The following PARD3B variants were observed in gnomAD, a reference collection of about 807,000 sequenced individuals.
The protein encoded by PARD3B is par-3 family cell polarity regulator beta.
A neutral mutation model predicts 130.2 loss-of-function variants in PARD3B; 103 were observed. The ratio of observed to expected loss-of-function variants is 0.79; its 90% confidence interval spans 0.67 to 0.93. The LOEUF (loss-of-function observed/expected upper bound fraction) is 0.93, where lower values mean the gene tolerates loss of function less well. Among genes scored for constraint, PARD3B ranks in the 40% least tolerant of loss-of-function variants. The probability of loss-of-function intolerance (pLI) is 0.00; values close to 1 mark genes in which losing one functional copy is unlikely to be tolerated. For synonymous variants in PARD3B, 583 were observed against 553.2 expected (o/e 1.05, Z -0.76); for missense variants, 1,609 against 1,499.2 (o/e 1.07, Z -1.21).
At chr2:204,833,671 G>C (rs764194586) in intron 2 of PARD3B, among the ~76,000 whole-genome samples, 2 of 151,958 alleles carry the variant, frequency 1.3e-5, no homozygotes, top group African/African-American at 4.8e-5. Flanking sequence ...GTTCTGTCTC[G>C]TCTGCCAGCA....
intron 19 of PARD3B, among the ~76,000 whole-genome samples, chr2:205,402,707 C>T (rs2046293501): frequency 6.6e-6 from 1 of 152,180 alleles, no homozygotes; most frequent in African/African-American, 2.4e-5. Context: ...CTTCAGCTGG[C>T]TGTATAGGCT....
intron 2 of PARD3B, among the ~76,000 whole-genome samples, chr2:204,695,243 G>A (rs958576705): frequency 6.6e-6 from 1 of 151,812 alleles, no homozygotes; most frequent in Admixed American, 6.6e-5. Context: ...TGGCCTAGGG[G>A]TATGGGACCA....
At chr2:204,937,108 T>C (rs1045411697) in intron 2 of PARD3B, among the ~76,000 whole-genome samples, 2 of 152,242 alleles carry the variant, frequency 1.3e-5, no homozygotes, top group African/African-American at 4.8e-5. Flanking sequence ...TCCCAATTAT[T>C]CTTAATTGTC....
chr2:204,876,607 C>T (rs2045853534), intron 2 of PARD3B, among the ~76,000 whole-genome samples: 1 of 152,140 alleles, frequency 6.6e-6, no homozygotes. Context: ...CATGTTGGAA[C>T]TCTGCCTCTA....
At chr2:205,223,717 A>T (rs1367658938) in intron 15 of PARD3B, among the ~76,000 whole-genome samples, 4 of 151,982 alleles carry the variant, frequency 2.6e-5, no homozygotes, top group African/African-American at 7.3e-5. Flanking sequence ...AAGTGATGAG[A>T]CCTCCAAAGG....
chr2:205,519,922 ACT>A (rs1575231241), intron 21 of PARD3B, among the ~76,000 whole-genome samples: 1 of 151,392 alleles, frequency 6.6e-6, no homozygotes, highest in African/African-American at 2.4e-5. Flanking sequence ...CAGTTGGTAG[ACT>A]CTTGCTTGGT....
At position 205,550,951 on chromosome 2, in the gene PARD3B, A is replaced by ATATGTGTG. The variant is rs1553542788; in HGVS notation, c.3181-2372_3181-2371insATGTGTGT. The stretch of plus-strand genomic sequence containing the variant: ...TGTGTGTGTGTGTGTGTATATATAT[A>ATATGTGTG]TGTGTATATATATATATATATATAT... On this transcript the variant is annotated intron_variant, in intron 21 of 22. Coordinates refer to ENST00000406610, the MANE Select transcript of PARD3B (RefSeq NM_001302769.2). This position sits in a 1 kb window ranked among gnomAD's most constrained non-coding sequence, Gnocchi z 4.5. Among the ~76,000 whole-genome samples the ATATGTGTG allele has an allele frequency of 6.4e-5, 5 of 77,578 alleles. No homozygotes were observed. Among genetic ancestry groups the ATATGTGTG allele is most frequent in the African/African-American group, 2.2e-4 (5 of 22,478 alleles). 50.9% of individuals were successfully genotyped at this position (77,578 alleles called of 152,430 possible). A position where few individuals can be genotyped will look rare whatever the true frequency, so the allele number is the denominator to read the frequency against.
chr2:205,247,955 ATC>A lies in PARD3B; in HGVS notation c.2185+2141_2185+2142del, dbSNP rs1415783672. ...TTTTTGTTTTTGTTTTTGAGACAGAATCTCTCTCTGTCACCCAGGCTGGAGTG... is the reference window on the plus strand; with the variant it reads ...TTTTTGTTTTTGTTTTTGAGACAGAATCTCTCTGTCACCCAGGCTGGAGTG... On this transcript the variant is annotated intron_variant, in intron 16 of 22. Transcript: ENST00000406610. Among the ~76,000 whole-genome samples, 2 of 151,982 alleles carry A rather than the reference ATC, an allele frequency of 1.3e-5. 1 individual carries two copies. The highest frequency in any genetic ancestry group is 4.8e-5 in the African/African-American group (2 of 41,458).
At chr2:204,614,313 A>AT (rs564105406) in intron 1 of PARD3B, among the ~76,000 whole-genome samples, 1 of 151,350 alleles carries the variant, frequency 6.6e-6, no homozygotes, top group African/African-American at 2.4e-5. Context: ...GCAATATTAC[A>AT]TTTTTTTATA....
At chr2:204,595,854 G>C (rs551685493) in intron 1 of PARD3B, among the ~76,000 whole-genome samples, 1 of 152,364 alleles carries the variant, frequency 6.6e-6, no homozygotes, top group Admixed American at 6.5e-5. Flanking sequence ...ATGAGAGCAT[G>C]CTATGCTATT....
intron 3 of PARD3B, among the ~76,000 whole-genome samples, chr2:204,982,874 T>G (rs547273964): frequency 1.8e-4 from 28 of 152,344 alleles, no homozygotes; most frequent in Non-Finnish European, 3.5e-4. Context: ...CTGTAGAGCT[T>G]GTCTTTTTTG....
intron 20 of PARD3B, among the ~76,000 whole-genome samples, chr2:205,451,187 A>C (rs939396586): frequency 6.6e-6 from 1 of 152,196 alleles, no homozygotes; most frequent in Non-Finnish European, 1.5e-5. Flanking sequence ...CATGATTCCA[A>C]GATGGCCGTA....
chr2:204,865,107 C>A (rs2045355807), intron 2 of PARD3B, among the ~76,000 whole-genome samples: 3 of 151,674 alleles, frequency 2.0e-5, no homozygotes, highest in Non-Finnish European at 4.4e-5. Flanking sequence ...CAAGAACGGC[C>A]ATAATAAAAA....
intron 18 of PARD3B, among the ~76,000 whole-genome samples, chr2:205,307,038 C>G (rs564017219): frequency 3.3e-5 from 5 of 152,246 alleles, no homozygotes; most frequent in African/African-American, 1.2e-4. Flanking sequence ...GCAGTTATAC[C>G]ATGTAGAATG....
intron 1 of PARD3B, among the ~76,000 whole-genome samples, chr2:204,621,553 A>G (rs2034303135): frequency 6.6e-6 from 1 of 152,206 alleles, no homozygotes; most frequent in Non-Finnish European, 1.5e-5. Flanking sequence ...TATCAGTCTG[A>G]CTTTTCTCCA....
chr2:204,553,335 G>A (rs183192098), intron 1 of PARD3B, among the ~76,000 whole-genome samples: 3 of 152,138 alleles, frequency 2.0e-5, no homozygotes, highest in South Asian at 2.1e-4. Flanking sequence ...ATGAAAAATA[G>A]TGTGGAGGTT....
At position 205,244,532 on chromosome 2, in the gene PARD3B, G is replaced by C. The variant is rs2039487609; in HGVS notation, c.2141-1246G>C. On this transcript the variant is annotated intron_variant, in intron 15 of 22. Transcript: ENST00000406610. The surrounding 1 kb of genome is among the most constrained non-coding windows in gnomAD (Gnocchi z 4.7). ...GTATCTGGGTAACACTAGCCTCATA[G>C]AGTGGCTTGGGAAATCCTCTCTCTT... Among the ~76,000 whole-genome samples the C allele has an allele frequency of 6.6e-6, 1 of 152,160 alleles. No individual in the cohort carries two copies. Among genetic ancestry groups the C allele is most frequent in the South Asian group, 2.1e-4 (1 of 4,822 alleles).
At chr2:205,566,389 T>G (rs542905973) in intron 22 of PARD3B, among the ~76,000 whole-genome samples, 1 of 152,300 alleles carries the variant, frequency 6.6e-6, no homozygotes, top group Admixed American at 6.5e-5. Flanking sequence ...GTGATGGTGA[T>G]GAAAGCAGAA....
intron 14 of PARD3B, among the ~76,000 whole-genome samples, chr2:205,189,001 C>A (rs1344614319): frequency 6.6e-6 from 1 of 152,034 alleles, no homozygotes; most frequent in Non-Finnish European, 1.5e-5. Context: ...ATATGTGGGT[C>A]TAAGTAATAA....
Sources: gnomAD v4.1 joint callset for allele counts (sites outside exome capture counted in the v4.1 genomes callset) on GRCh38, gnomAD v4.1.1 for gene constraint, Gnocchi (gnomAD v3.1) non-coding constraint, MANE v1.5 for transcripts, NCBI Gene and HGNC (gene_info 2026-07-23, HGNC 2026-07-21) for gene names.